RYR2: variants seen among roughly 807,000 people sequenced by gnomAD.
RYR2 encodes the protein cardiac muscle ryanodine receptor-calcium release channel.
RYR2 carries 227 observed loss-of-function variants against 601.1 expected under a neutral mutation model. That is an observed-to-expected ratio of 0.38 (90% CI 0.34 to 0.42). RYR2 has a LOEUF of 0.42. Among genes scored for constraint, RYR2 ranks in the 10% least tolerant of loss-of-function variants. The pLI is 1.00. For missense variants in RYR2, 4,646 were observed against 6,156.5 expected (o/e 0.75, Z 8.21); for synonymous variants, 2,223 against 2,175.1 (o/e 1.02, Z -0.61).
chr1:237,358,811 T>C (rs1316627905), intron 4 of RYR2, among the ~76,000 whole-genome samples: 1 of 152,084 alleles, frequency 6.6e-6, no homozygotes, highest in African/African-American at 2.4e-5. Context: ...ATATCAGGTA[T>C]CCCTGAAGCT....
chr1:237,311,916 T>C (rs1572563523), intron 2 of RYR2, among the ~76,000 whole-genome samples: 1 of 152,340 alleles, frequency 6.6e-6, no homozygotes, highest in East Asian at 1.9e-4. Context: ...TCACATGCTA[T>C]ATTGCAGTTC....
At chr1:237,648,695 T>G in intron 49 of RYR2, 82 bp downstream of exon 49, 1 of 1,412,446 alleles carries the variant, frequency 7.1e-7, no homozygotes, top group Non-Finnish European at 9.5e-7. Flanking sequence ...TATCCATTCA[T>G]TAATTTATTG....
intron 79 of RYR2, among the ~76,000 whole-genome samples, chr1:237,741,031 T>C (rs1232556516): frequency 6.6e-6 from 1 of 152,218 alleles, no homozygotes; most frequent in Admixed American, 6.5e-5. Flanking sequence ...TCCTGCTTTC[T>C]GAGGGAATCA....
At chr1:237,212,845 A>G (rs672145) in intron 1 of RYR2, among the ~76,000 whole-genome samples, 112,676 of 151,806 alleles carry the variant, frequency 0.74, 43,808 homozygotes, top group East Asian at 0.93. Context: ...CGTGATCTCG[A>G]CTCACTGCAA....
intron 12 of RYR2, among the ~76,000 whole-genome samples, chr1:237,432,559 C>T (rs919238195): frequency 5.3e-5 from 8 of 152,050 alleles, no homozygotes; most frequent in South Asian, 2.1e-4. Flanking sequence ...CCAAATTCTT[C>T]GAAATTCTGC....
intron 1 of RYR2, among the ~76,000 whole-genome samples, chr1:237,250,459 T>A (rs1050423410): frequency 2.6e-5 from 4 of 152,224 alleles, no homozygotes; most frequent in Admixed American, 2.6e-4. Flanking sequence ...ATTTTAGAGC[T>A]TAAAGATAGT....
At chr1:237,265,316 T>C (rs1213774674) in intron 1 of RYR2, among the ~76,000 whole-genome samples, 1 of 152,022 alleles carries the variant, frequency 6.6e-6, no homozygotes, top group African/African-American at 2.4e-5. Context: ...GCTGAAGGAT[T>C]TTTTTGATTG....
In RYR2 at chr1:237,124,080, G is replaced by A. The variant is rs552842774; in HGVS notation, c.48+81511G>A. Among the ~76,000 whole-genome samples, 8 of 152,254 alleles carry A rather than the reference G, an allele frequency of 5.3e-5. 1 individual carries two copies. In the South Asian group the frequency reaches 1.7e-3, roughly 32 times the overall value. ...GTCAAGTGAAATACTTTGAGATAGA[G>A]TTTCTATTTTATAGCTGGAGAACAG... On this transcript the variant is annotated intron_variant, in intron 1 of 104. Transcript: ENST00000366574.
intron 1 of RYR2, among the ~76,000 whole-genome samples, chr1:237,144,169 G>A (rs779924066): frequency 5.3e-5 from 8 of 152,044 alleles, no homozygotes; most frequent in Non-Finnish European, 8.8e-5. Flanking sequence ...TGTGACGCAT[G>A]TTATAGGCCA....
chr1:237,287,362 A>T (rs1350222721), intron 2 of RYR2, among the ~76,000 whole-genome samples: 1 of 152,198 alleles, frequency 6.6e-6, no homozygotes, highest in Non-Finnish European at 1.5e-5. Context: ...CGTCTCTAGC[A>T]AGGCCAGGGA....
chr1:237,714,277 A>G (rs917308807), intron 71 of RYR2, among the ~76,000 whole-genome samples: 1 of 152,238 alleles, frequency 6.6e-6, no homozygotes, highest in Non-Finnish European at 1.5e-5. Context: ...TATGAATTGT[A>G]GTAACAAAAT....
intron 76 of RYR2, among the ~76,000 whole-genome samples, chr1:237,728,396 C>T (rs1690377870): frequency 6.6e-6 from 1 of 151,954 alleles, no homozygotes; most frequent in Non-Finnish European, 1.5e-5. Flanking sequence ...ATATCTAGAA[C>T]CAGAAATACC....
At chr1:237,049,144 G>A (rs1660946497) in intron 1 of RYR2, among the ~76,000 whole-genome samples, 2 of 152,184 alleles carry the variant, frequency 1.3e-5, no homozygotes, top group Admixed American at 1.3e-4. Context: ...CAATTAGAGA[G>A]AGGGAAGTTA....
rs374183234 is a variant in RYR2 at position 237,759,858 on chromosome 1, G to A, written c.11402+6G>A. The stretch of plus-strand genomic sequence containing the variant: ...GGCCTGATGCAGTCATGTAGGTAAG[G>A]ACTCACTTCCTTCTTGGGGGTTCTA... On this transcript the variant is annotated splice_donor_region_variant and intron_variant, in intron 83 of 104. Coordinates refer to ENST00000366574, the MANE Select transcript of RYR2 (RefSeq NM_001035.3). 6.3e-6 allele frequency: 10 copies of A among 1,592,392 alleles called. No individual in the cohort carries two copies. The highest frequency in any genetic ancestry group is 1.1e-5 in the South Asian group (1 of 89,002).
intron 89 of RYR2, among the ~76,000 whole-genome samples, chr1:237,782,518 G>A (rs540389754): frequency 2.0e-5 from 3 of 152,220 alleles, no homozygotes; most frequent in East Asian, 1.9e-4. Flanking sequence ...CAGCTGTCAC[G>A]CCTCGTGCTA....
intron 100 of RYR2, among the ~76,000 whole-genome samples, chr1:237,809,847 A>C (rs1238893563): frequency 6.6e-6 from 1 of 152,218 alleles, no homozygotes; most frequent in Admixed American, 6.5e-5. Flanking sequence ...AGTGGGACAG[A>C]GTAGTTCAGA....
intron 28 of RYR2, 40 bp from the exon 29 acceptor site, chr1:237,569,105 G>A (rs1196521626): frequency 1.3e-6 from 2 of 1,578,686 alleles, no homozygotes; most frequent in East Asian, 4.5e-5. Flanking sequence ...GATTTTCCTG[G>A]CTTAGTCTGT....
At chr1:237,529,763 A>T (rs537665100) in intron 24 of RYR2, among the ~76,000 whole-genome samples, 164 of 127,408 alleles carry the variant, frequency 1.3e-3, no homozygotes, top group African/African-American at 4.6e-3. Context: ...AATATCATAC[A>T]CACACACACA....
chr1:237,215,960 G>A (rs1317964636), intron 1 of RYR2, among the ~76,000 whole-genome samples: 1 of 152,164 alleles, frequency 6.6e-6, no homozygotes, highest in Admixed American at 6.6e-5. Flanking sequence ...TTAATATGGA[G>A]CTCTCACAAT....
Sources: allele counts gnomAD v4.1 joint callset (sites outside exome capture counted in the v4.1 genomes callset), GRCh38; gene constraint gnomAD v4.1.1; transcripts MANE v1.5; gene names NCBI Gene and HGNC (gene_info 2026-07-23, HGNC 2026-07-21).